Variants in C8orf34 observed in about 807,000 individuals in gnomAD.
C8orf34 encodes the protein chromosome 8 open reading frame 34, also known as uncharacterized protein C8orf34.
C8orf34 carries 65 observed loss-of-function variants against 68.3 expected under a neutral mutation model. The observed-to-expected ratio is 0.95, with a 90% confidence interval of 0.78 to 1.17. The LOEUF is 1.17. C8orf34 is among the 50% of genes most tolerant of loss of function. The pLI, the probability that C8orf34 is intolerant of heterozygous loss-of-function variation, is 0.00. For missense variants in C8orf34, 664 were observed against 655.4 expected, an observed-to-expected ratio of 1.01 and a Z score of -0.14; for synonymous variants, 244 against 241.2, an observed-to-expected ratio of 1.01 and a Z score of -0.11.
chr8:68,648,593 T>C (rs1819249524), intron 8 of C8orf34, among the ~76,000 whole-genome samples: 1 of 152,194 alleles, frequency 6.6e-6, no homozygotes, highest in Non-Finnish European at 1.5e-5. Context: ...CTTTTGATGG[T>C]GCAAGTGTTT....
At chr8:68,752,172 T>A (rs1424855186) in intron 10 of C8orf34, among the ~76,000 whole-genome samples, 1 of 152,220 alleles carries the variant, frequency 6.6e-6, no homozygotes, top group African/African-American at 2.4e-5. Flanking sequence ...GTTAAACTTG[T>A]AAGAGAGTTC....
At chr8:68,609,966 C>A (rs1243646631) in intron 7 of C8orf34, among the ~76,000 whole-genome samples, 2 of 152,038 alleles carry the variant, frequency 1.3e-5, no homozygotes, top group East Asian at 3.9e-4. Context: ...AAGATTCACC[C>A]AAATGCAATT....
intron 12 of C8orf34, among the ~76,000 whole-genome samples, chr8:68,795,924 C>A (rs909382135): frequency 2.6e-5 from 4 of 152,218 alleles, no homozygotes; most frequent in African/African-American, 9.6e-5. Context: ...GGCAGAGGTT[C>A]TCACTGAGTG....
intron 1 of C8orf34, among the ~76,000 whole-genome samples, chr8:68,423,230 C>A (rs1037496576): frequency 6.6e-6 from 1 of 152,126 alleles, no homozygotes; most frequent in African/African-American, 2.4e-5. Context: ...ATTTTCTAAG[C>A]TTTTTATGTT....
intron 11 of C8orf34, among the ~76,000 whole-genome samples, chr8:68,783,489 A>G (rs1181361699): frequency 5.5e-5 from 7 of 127,404 alleles, no homozygotes; most frequent in Non-Finnish European, 1.1e-4. Flanking sequence ...TTGCAATTGC[A>G]CTCCGGCCTG....
At chr8:68,531,186 T>C (rs1434118739) in intron 6 of C8orf34, among the ~76,000 whole-genome samples, 3 of 152,184 alleles carry the variant, frequency 2.0e-5, no homozygotes, top group Non-Finnish European at 2.9e-5. Context: ...AATATAATCA[T>C]CATATCAAAC....
At chr8:68,331,408 A>G in intron 1 of C8orf34, 69 bp downstream of exon 1, 2 of 1,456,766 alleles carry the variant, frequency 1.4e-6, no homozygotes, top group East Asian at 2.5e-5. Flanking sequence ...AAAACAGAAC[A>G]CTCCCAATCC....
At chr8:68,771,473 G>C (rs73683711) in intron 10 of C8orf34, among the ~76,000 whole-genome samples, 13,839 of 152,106 alleles carry the variant, frequency 0.091, 681 homozygotes, top group Middle Eastern at 0.11. Context: ...CTCTGTATCT[G>C]AAGATACAGC....
chr8:68,346,290 A>G (rs61167825), intron 1 of C8orf34, among the ~76,000 whole-genome samples: 1,173 of 84,724 alleles, frequency 0.014, 39 homozygotes, highest in East Asian at 0.12. Context: ...TTTTAGAAAG[A>G]TCATATTGTT....
intron 1 of C8orf34, among the ~76,000 whole-genome samples, chr8:68,396,986 T>C (rs1808742351): frequency 6.6e-6 from 1 of 151,934 alleles, no homozygotes; most frequent in African/African-American, 2.4e-5. Flanking sequence ...TTGTTTTTGT[T>C]TTTAAAAAAT....
intron 1 of C8orf34, among the ~76,000 whole-genome samples, chr8:68,341,296 G>A (rs1806059725): frequency 6.6e-6 from 1 of 152,194 alleles, no homozygotes; most frequent in African/African-American, 2.4e-5. Flanking sequence ...TAGTTCAATG[G>A]AGGGAGGATA....
At chr8:68,685,735 G>T (rs545190986) in intron 8 of C8orf34, among the ~76,000 whole-genome samples, 1 of 151,872 alleles carries the variant, frequency 6.6e-6, no homozygotes, top group African/African-American at 2.4e-5. Flanking sequence ...AATTAGCCAG[G>T]CGTGGACATA....
Position 68,752,722 on chromosome 8 carries a change from A to G in C8orf34, c.1405-23677A>G, listed in dbSNP as rs1222141847. On this transcript the variant is annotated intron_variant, in intron 10 of 13. Transcript: ENST00000518698. Reference sequence around the variant, plus strand: ...AATTTGTGTCCTTCGAGAGTTTTCCATAGGGTTGTGTATATAATGGGTGAC... The same window carrying G: ...AATTTGTGTCCTTCGAGAGTTTTCCGTAGGGTTGTGTATATAATGGGTGAC... Among the ~76,000 whole-genome samples, 6 of 152,272 alleles carry G rather than the reference A, an allele frequency of 3.9e-5. No homozygotes were observed. The East Asian group carries it at 1.2e-3, about 29-fold the overall frequency.
intron 1 of C8orf34, among the ~76,000 whole-genome samples, chr8:68,377,088 G>A (rs1807834919): frequency 2.0e-5 from 3 of 152,112 alleles, no homozygotes; most frequent in Admixed American, 6.5e-5. Flanking sequence ...TGTGAGAAGA[G>A]CAGAAGTAAG....
At chr8:68,422,405 T>C (rs533901446) in intron 1 of C8orf34, among the ~76,000 whole-genome samples, 34 of 152,284 alleles carry the variant, frequency 2.2e-4, no homozygotes, top group African/African-American at 2.4e-4. Context: ...CGAAATCCAA[T>C]AGGGAAGTCA....
intron 8 of C8orf34, among the ~76,000 whole-genome samples, chr8:68,661,778 T>G (rs1435105258): frequency 6.6e-6 from 1 of 152,046 alleles, no homozygotes; most frequent in African/African-American, 2.4e-5. Flanking sequence ...TAAGCACTTG[T>G]GGGGTAGTTG....
intron 3 of C8orf34, among the ~76,000 whole-genome samples, chr8:68,448,587 G>C (rs1172102719): frequency 6.6e-6 from 1 of 151,994 alleles, no homozygotes; most frequent in Non-Finnish European, 1.5e-5. Context: ...TGTGAAAAAA[G>C]TATTCATCCT....
chr8:68,774,181 C>T (rs901638683), intron 10 of C8orf34, among the ~76,000 whole-genome samples: 6 of 151,976 alleles, frequency 3.9e-5, no homozygotes, highest in African/African-American at 1.5e-4. Context: ...GGATGATTAG[C>T]ACATAAAGGA....
intron 1 of C8orf34, among the ~76,000 whole-genome samples, chr8:68,418,196 T>C (rs1809764256): frequency 7.0e-6 from 1 of 143,268 alleles, no homozygotes; most frequent in Non-Finnish European, 1.5e-5. Context: ...GATTTTGGGC[T>C]GAGACAATGG....
Sources: allele counts gnomAD v4.1 joint callset (sites outside exome capture counted in the v4.1 genomes callset), GRCh38; gene constraint gnomAD v4.1.1; transcripts MANE v1.5; gene names NCBI Gene and HGNC (gene_info 2026-07-23, HGNC 2026-07-21).